DTNA: variants seen among roughly 807,000 people sequenced by gnomAD.
DTNA encodes dystrophin-related protein 3.
Under a neutral mutation model 100.7 loss-of-function variants are expected in DTNA, and 43 were observed. The ratio of observed to expected loss-of-function variants is 0.43; its 90% CI spans 0.33 to 0.55. The LOEUF (loss-of-function observed/expected upper bound fraction) is 0.55. Ranked by LOEUF, DTNA falls within the 20% of genes least tolerant of loss-of-function variation. DTNA has a pLI of 0.04. For synonymous variants in DTNA, 349 were observed against 347.9 expected (o/e 1.00, Z -0.04); for missense variants, 798 against 953.9 (o/e 0.84, Z 2.15).
chr18:34,592,094 C>T (rs927887060), intron 1 of DTNA, among the ~76,000 whole-genome samples: 2 of 152,170 alleles, frequency 1.3e-5, no homozygotes, highest in Non-Finnish European at 2.9e-5. Context: ...CACACCACCA[C>T]CCTGAGCCCA....
intron 1 of DTNA, among the ~76,000 whole-genome samples, chr18:34,672,113 T>C (rs2145113422): frequency 6.6e-6 from 1 of 152,326 alleles, no homozygotes; most frequent in East Asian, 1.9e-4. Flanking sequence ...ATTGTTTTCT[T>C]GTCCTGATCA....
chr18:34,852,068 T>C, intron 15 of DTNA, 140 bp downstream of exon 15: 1 of 864,870 alleles, frequency 1.2e-6, no homozygotes, highest in Non-Finnish European at 1.9e-6. Flanking sequence ...GATGCTCACT[T>C]CCAAAAAGCT....
chr18:34,720,133 G>C (rs896108635), intron 1 of DTNA, among the ~76,000 whole-genome samples: 6 of 152,266 alleles, frequency 3.9e-5, no homozygotes, highest in Admixed American at 6.5e-5. Context: ...TAGTCATGAG[G>C]GGGTGGAAGG....
intron 3 of DTNA, among the ~76,000 whole-genome samples, chr18:34,789,919 T>C (rs191038601): frequency 1.2e-4 from 19 of 152,310 alleles, no homozygotes; most frequent in Admixed American, 7.8e-4. Flanking sequence ...TATTCAGCTG[T>C]CATAGTAATC....
intron 18 of DTNA, among the ~76,000 whole-genome samples, chr18:34,875,715 G>A (rs1427552897): frequency 6.6e-6 from 1 of 152,000 alleles, no homozygotes; most frequent in African/African-American, 2.4e-5. Flanking sequence ...TTAATTCTTA[G>A]AGATTTTCTT....
At chr18:34,552,073 T>C (rs1032212502) in intron 1 of DTNA, among the ~76,000 whole-genome samples, 9 of 152,088 alleles carry the variant, frequency 5.9e-5, no homozygotes, top group African/African-American at 1.9e-4. Flanking sequence ...CTCCCTCCTT[T>C]ATAATGTCCT....
chr18:34,679,948 T>TA (rs1355783773), intron 1 of DTNA, among the ~76,000 whole-genome samples: 2 of 152,160 alleles, frequency 1.3e-5, no homozygotes, highest in Non-Finnish European at 2.9e-5. Flanking sequence ...TTGTAAAATA[T>TA]AAAATGTATT....
rs1174607322 is a variant in DTNA at position 34,884,806 on chromosome 18, T to C, written c.*31+30T>C. Reference sequence around the variant, plus strand: ...GTACCATCTTATTTAGGAGGAATCATGGCCACTGTACACTGAATTCTGATA... The same window carrying C: ...GTACCATCTTATTTAGGAGGAATCACGGCCACTGTACACTGAATTCTGATA... On this transcript the variant is annotated intron_variant, in intron 22 of 22. Transcript: ENST00000444659. 2.5e-6 allele frequency: 4 copies of C among 1,609,432 alleles called. No homozygotes were observed. The African/African-American group carries it at 5.3e-5, about 22-fold the overall frequency.
chr18:34,861,791 C>A (rs1039158799), intron 16 of DTNA, among the ~76,000 whole-genome samples: 1 of 152,064 alleles, frequency 6.6e-6, no homozygotes, highest in Non-Finnish European at 1.5e-5. Context: ...GAGATTACTA[C>A]TGTAAGATAA....
intron 1 of DTNA, among the ~76,000 whole-genome samples, chr18:34,634,519 C>T (rs533624206): frequency 1.8e-4 from 27 of 152,216 alleles, no homozygotes; most frequent in African/African-American, 6.3e-4. Context: ...GTTGAATTCT[C>T]GTAATTGCTT....
At chr18:34,556,102 T>C (rs1331879006) in intron 1 of DTNA, among the ~76,000 whole-genome samples, 10 of 151,678 alleles carry the variant, frequency 6.6e-5, no homozygotes, top group South Asian at 2.1e-4. Context: ...TCTTGTTGAA[T>C]TGATCCCTTT....
chr18:34,586,932 C>T (rs2049197877), intron 1 of DTNA, among the ~76,000 whole-genome samples: 1 of 152,004 alleles, frequency 6.6e-6, no homozygotes, highest in African/African-American at 2.4e-5. Context: ...ATACCCCCAC[C>T]CCAGGGTATA....
chr18:34,513,008 CTAA>C (rs2041242431), intron 1 of DTNA, among the ~76,000 whole-genome samples: 1 of 152,046 alleles, frequency 6.6e-6, no homozygotes, highest in Non-Finnish European at 1.5e-5. Context: ...TTGCATGAAT[CTAA>C]TAATCCATGG....
chr18:34,622,445 A>C (rs371325462), intron 1 of DTNA, among the ~76,000 whole-genome samples: 90 of 152,302 alleles, frequency 5.9e-4, no homozygotes, highest in African/African-American at 2.1e-3. Flanking sequence ...GAGGTGGTTA[A>C]TTTGAGGTGT....
chr18:34,845,500 T>C (rs2149820347), intron 13 of DTNA, among the ~76,000 whole-genome samples: 1 of 152,320 alleles, frequency 6.6e-6, no homozygotes, highest in East Asian at 1.9e-4. Context: ...CAAATGTTTC[T>C]GACAAAGTCA....
intron 1 of DTNA, among the ~76,000 whole-genome samples, chr18:34,617,203 C>G (rs1158056889): frequency 1.3e-5 from 2 of 152,090 alleles, no homozygotes; most frequent in East Asian, 3.9e-4. Flanking sequence ...TCTTCTGGTT[C>G]TCAAGGGGAA....
chr18:34,696,371 G>T (rs1345805699), intron 1 of DTNA, among the ~76,000 whole-genome samples: 3 of 152,122 alleles, frequency 2.0e-5, no homozygotes, highest in African/African-American at 7.2e-5. Flanking sequence ...AAGGTCAAGA[G>T]ATCAAGACCA....
chr18:34,885,167 A>G (rs1187165681), intron 22 of DTNA, among the ~76,000 whole-genome samples: 1 of 152,224 alleles, frequency 6.6e-6, no homozygotes, highest in Non-Finnish European at 1.5e-5. Context: ...GAGATGGGCC[A>G]GCTTGTTAGT....
At chr18:34,596,741 A>G (rs916053533) in intron 1 of DTNA, among the ~76,000 whole-genome samples, 2 of 152,054 alleles carry the variant, frequency 1.3e-5, no homozygotes, top group African/African-American at 4.8e-5. Flanking sequence ...TTCTGATTTT[A>G]TTTTTTAGTT....
Sources: gnomAD v4.1 joint callset for allele counts (sites outside exome capture counted in the v4.1 genomes callset) on GRCh38, gnomAD v4.1.1 for gene constraint, MANE v1.5 for transcripts, NCBI Gene and HGNC (gene_info 2026-07-23, HGNC 2026-07-21) for gene names.